The following UEVLD variants were observed in gnomAD, a reference collection of about 807,000 sequenced individuals.
UEVLD encodes ubiquitin-conjugating enzyme E2 variant 3.
Under a neutral mutation model 58.6 loss-of-function variants are expected in UEVLD, and 47 were observed. The ratio of observed to expected loss-of-function variants is 0.80; its 90% CI spans 0.63 to 1.02. The LOEUF is 1.02. Ranked by LOEUF, UEVLD falls within the 50% of genes least tolerant of loss-of-function variation. The probability of loss-of-function intolerance (pLI) is 0.00; values close to 1 mark genes in which losing one functional copy is unlikely to be tolerated. For synonymous variants in UEVLD, 197 were observed against 195.3 expected, an observed-to-expected ratio of 1.01 and a Z score of -0.07; for missense variants, 510 against 550.6, an observed-to-expected ratio of 0.93 and a Z score of 0.74.
At position 18,566,455 on chromosome 11, in the gene UEVLD, T is replaced by C; in HGVS notation, c.385A>G (p.Lys129Glu). Residue 129 changes from lysine (K) to glutamate (E), a missense_variant, in exon 5 of 12, where the codon AAA becomes GAA. Physicochemically the swap from Lys to Glu is moderately conservative, Grantham distance 56. Transcript: ENST00000396197. ...TCTTGAAACTTGGCAATCATTTCTT[T>C]AATTAATCCAACAATGACAGATTTA... ...HPKSVIVGLI[K>E]EMIAKFQEEL... 1 of 1,614,050 alleles carries C rather than the reference T, an allele frequency of 6.2e-7. No homozygotes were observed. Among genetic ancestry groups the C allele is most frequent in the Non-Finnish European group, 8.5e-7 (1 of 1,180,024 alleles).
Position 18,570,382 on chromosome 11 carries a change from T to C in UEVLD, c.194-5A>G, listed in dbSNP as rs1161861736. On this transcript the variant is annotated splice_region_variant and splice_polypyrimidine_tract_variant and intron_variant, in intron 3 of 11. Coordinates refer to ENST00000396197, the MANE Select transcript of UEVLD (RefSeq NM_001040697.4). ...TTGGTATGTTATATGTATTACCTAT[T>C]TGAGACAAAAGAAACATATCTTCAA... The C allele has an allele frequency of 6.6e-7, 1 of 1,517,362 alleles. No individual in the cohort carries two copies. Among genetic ancestry groups the C allele is most frequent in the Non-Finnish European group, 8.8e-7 (1 of 1,139,482 alleles). The allele number at this position is 1,517,362 out of a possible 1,614,324, so 94.0% of individuals were successfully genotyped here. A position where few individuals can be genotyped will look rare whatever the true frequency, so the allele number is the denominator to read the frequency against.
chr11:18,572,217 C>T (rs1460408389), intron 3 of UEVLD, among the ~76,000 whole-genome samples: 5 of 151,984 alleles, frequency 3.3e-5, no homozygotes, highest in African/African-American at 1.2e-4. Flanking sequence ...GCCTGGGCGA[C>T]AGTGCGAGAC....
Position 18,531,088 on chromosome 11 carries a change from C to T in UEVLD, c.*1232G>A, listed in dbSNP as rs1423999322. On this transcript the variant is annotated 3_prime_UTR_variant, in exon 12 of 12. Coordinates refer to ENST00000396197, the MANE Select transcript of UEVLD (RefSeq NM_001040697.4). The stretch of plus-strand genomic sequence containing the variant: ...ATGAAAGTAATCCTTTCATGGTGTA[C>T]AGGACCCCAGCTTTAGGGTCTTTTG... The T allele has an allele frequency of 6.6e-6, 1 of 152,146 alleles. No individual in the cohort carries two copies. The highest frequency in any genetic ancestry group is 1.5e-5 in the Non-Finnish European group (1 of 68,040). 9.4% of individuals were successfully genotyped at this position (152,146 alleles called of 1,614,324 possible).
intron 8 of UEVLD, 143 bp from the exon 9 acceptor site, chr11:18,544,939 T>C (rs1851227522): frequency 4.5e-6 from 2 of 447,862 alleles, no homozygotes; most frequent in Non-Finnish European, 3.8e-6. Flanking sequence ...CACACACACA[T>C]ATATACATAT....
chr11:18,532,307 T>G lies in UEVLD; in HGVS notation c.*13A>C. ...TTAGGTAGAAGTCCAGCCTCTCAAA[T>G]TGCATTTGAGAATCAAAGTTTTAAC... is the stretch of plus-strand genomic sequence containing the variant. On this transcript the variant is annotated 3_prime_UTR_variant, in exon 12 of 12. Coordinates refer to ENST00000396197, the MANE Select transcript of UEVLD (RefSeq NM_001040697.4). 1 of 1,589,212 alleles carries G rather than the reference T, an allele frequency of 6.3e-7. No homozygotes were observed. The highest frequency in any genetic ancestry group is 8.6e-7 in the Non-Finnish European group (1 of 1,168,984).
intron 7 of UEVLD, among the ~76,000 whole-genome samples, chr11:18,547,659 T>A (rs778513997): frequency 6.6e-6 from 1 of 152,172 alleles, no homozygotes; most frequent in Non-Finnish European, 1.5e-5. Flanking sequence ...AAATAAATAT[T>A]ATGCTATAGG....
At chr11:18,544,552 G>A in intron 9 of UEVLD, 71 bp downstream of exon 9, 1 of 1,512,266 alleles carries the variant, frequency 6.6e-7, no homozygotes, top group East Asian at 2.5e-5. Context: ...AAGCAATCCT[G>A]CCTTGGCCTC....
chr11:18,569,993 G>C (rs1590358986), intron 4 of UEVLD: 1 of 345,464 alleles, frequency 2.9e-6, no homozygotes, highest in Non-Finnish European at 5.1e-6. Flanking sequence ...CAAACAGTTG[G>C]CTCCAAAACC....
At position 18,536,481 on chromosome 11, in the gene UEVLD, T is replaced by A. The variant is rs1850800759; in HGVS notation, c.1061-12A>T. 6.2e-7 allele frequency: 1 copy of A among 1,610,892 alleles called. No homozygotes were observed. Among genetic ancestry groups the A allele is most frequent in the African/African-American group, 1.3e-5 (1 of 74,834 alleles). On this transcript the variant is annotated splice_polypyrimidine_tract_variant and intron_variant, in intron 9 of 11. Coordinates refer to ENST00000396197, the MANE Select transcript of UEVLD (RefSeq NM_001040697.4). ...ACTCCATGTGAGCACTAAAATTAGA[T>A]GAAGAATTAATTATGTTTTGCCAGT...
chr11:18,570,365 T>C lies in UEVLD; in HGVS notation c.206A>G (p.Asn69Ser). Residue 69 changes from asparagine (N) to serine (S), a missense_variant, in exon 4 of 12, where the codon AAC (asparagine) becomes AGC (serine). Transcript: ENST00000396197. Reference sequence around the variant, plus strand: ...CAAAATCCAGAAACGAATTGGTATGTTATATGTATTACCTATTTGAGACAA... The same window carrying C: ...CAAAATCCAGAAACGAATTGGTATGCTATATGTATTACCTATTTGAGACAA... ...IPVMYQGNTY[N>S]IPIRFWILDS... is the part of the protein sequence containing the mutation. 1 of 1,555,430 alleles carries C rather than the reference T, an allele frequency of 6.4e-7. No homozygotes were observed. Among genetic ancestry groups the C allele is most frequent in the Non-Finnish European group, 8.6e-7 (1 of 1,159,230 alleles).
At chr11:18,578,830 TG>T (rs1388071553) in intron 1 of UEVLD, 22 bp from the exon 2 acceptor site, 2 of 1,519,760 alleles carry the variant, frequency 1.3e-6, no homozygotes, top group South Asian at 2.4e-5. Flanking sequence ...AAAATAAGCA[TG>T]GAGTAAGAAT....
chr11:18,551,404 C>CTAGTA (rs1565118520), intron 7 of UEVLD, among the ~76,000 whole-genome samples: 8 of 118,120 alleles, frequency 6.8e-5, no homozygotes, highest in South Asian at 3.7e-4. Flanking sequence ...ACCTGGGCAA[C>CTAGTA]CGAGTAAGAC....
intron 5 of UEVLD, among the ~76,000 whole-genome samples, chr11:18,565,890 C>CTTTTTCTTTCTTTTTTTTTTTT (rs1565130569): frequency 8.3e-6 from 1 of 120,662 alleles, no homozygotes; most frequent in Non-Finnish European, 2.0e-5. Context: ...AAAGGAATTA[C>CTTTTTCTTTCTTTTTTTTTTTT]TTTTTTTTTC....
Position 18,554,392 on chromosome 11 carries a change from A to ATTT in UEVLD, c.715+3833_715+3835dup, listed in dbSNP as rs34857682. On this transcript the variant is annotated intron_variant, in intron 7 of 11. Transcript: ENST00000396197. Reference sequence around the variant, plus strand: ...CAGGCGTGAGCCACTGTGCCTGGCCATTTTTTTTTTTTTTTTTTTTGAGAC... The same window carrying ATTT: ...CAGGCGTGAGCCACTGTGCCTGGCCATTTTTTTTTTTTTTTTTTTTTTTGAGAC... Among the ~76,000 whole-genome samples, 310 of 107,516 alleles carry ATTT rather than the reference A, an allele frequency of 2.9e-3. 10 individuals carry two copies. The highest frequency in any genetic ancestry group is 7.8e-3 in the African/African-American group (206 of 26,304). The allele number at this position is 107,516 out of a possible 152,430, so 70.5% of individuals were successfully genotyped here.
chr11:18,533,884 C>T (rs933506520), intron 11 of UEVLD, among the ~76,000 whole-genome samples: 1 of 152,246 alleles, frequency 6.6e-6, no homozygotes, highest in Admixed American at 6.5e-5. Flanking sequence ...AAACTCCTAA[C>T]CTCAAGTGAT....
At chr11:18,553,648 C>T (rs910167553) in intron 7 of UEVLD, among the ~76,000 whole-genome samples, 1 of 152,126 alleles carries the variant, frequency 6.6e-6, no homozygotes, top group African/African-American at 2.4e-5. Context: ...ATAAAATGTG[C>T]TATATCCATA....
intron 8 of UEVLD, among the ~76,000 whole-genome samples, chr11:18,545,064 C>CTATA (rs1398604778): frequency 0.015 from 309 of 20,218 alleles, 9 homozygotes; most frequent in African/African-American, 0.036. Flanking sequence ...ATATCTATAT[C>CTATA]TATATCTATA....
chr11:18,532,170 C>A lies in UEVLD; in HGVS notation c.*150G>T, dbSNP rs1850583506. On this transcript the variant is annotated 3_prime_UTR_variant, in exon 12 of 12. Coordinates refer to ENST00000396197, the MANE Select transcript of UEVLD (RefSeq NM_001040697.4). ...TGTATAACTCCTTAAGGATTTACAT[C>A]ACAAAGCTAATCAAGAAACCCTCTA... 3.0e-6 allele frequency: 2 copies of A among 665,458 alleles called. No homozygotes were observed. Among genetic ancestry groups the A allele is most frequent in the South Asian group, 6.6e-5 (2 of 30,180 alleles). 41.2% of individuals were successfully genotyped at this position (665,458 alleles called of 1,614,324 possible).
At chr11:18,552,998 AC>A (rs1464469494) in intron 7 of UEVLD, among the ~76,000 whole-genome samples, 4 of 151,990 alleles carry the variant, frequency 2.6e-5, no homozygotes, top group African/African-American at 9.7e-5. Context: ...TACTAAAAAT[AC>A]AAAAAGTTAG....
Sources: allele counts gnomAD v4.1 joint callset (sites outside exome capture counted in the v4.1 genomes callset), GRCh38; gene constraint gnomAD v4.1.1; transcripts MANE v1.5; gene names NCBI Gene and HGNC (gene_info 2026-07-23, HGNC 2026-07-21).